ACTN4: variants seen among roughly 807,000 people sequenced by gnomAD.
The protein encoded by ACTN4 is alpha-actinin-4.
Under a neutral mutation model 114.2 loss-of-function variants are expected in ACTN4, and 18 were observed. The ratio of observed to expected loss-of-function variants is 0.16; its 90% CI spans 0.11 to 0.23. The LOEUF (loss-of-function observed/expected upper bound fraction) is 0.23. Among genes scored for constraint, ACTN4 ranks in the 10% least tolerant of loss-of-function variants. ACTN4 has a pLI of 1.00. For synonymous variants in ACTN4, 515 were observed against 506.3 expected (o/e 1.02, Z -0.23); for missense variants, 722 against 1,262.9 (o/e 0.57, Z 6.49).
intron 1 of ACTN4, among the ~76,000 whole-genome samples, chr19:38,661,820 T>C (rs1323390302): frequency 6.6e-6 from 1 of 151,992 alleles, no homozygotes; most frequent in African/African-American, 2.4e-5. Context: ...GCCCGGCTAA[T>C]TTTTTGTATT....
At chr19:38,722,743 C>T (rs527662353) in intron 12 of ACTN4, among the ~76,000 whole-genome samples, 74 of 152,302 alleles carry the variant, frequency 4.9e-4, no homozygotes, top group African/African-American at 1.7e-3. Flanking sequence ...TCCCCAGTGA[C>T]GGAAGAGCCC....
In ACTN4 at chr19:38,723,438, G is replaced by A. The variant is rs771407546; in HGVS notation, c.1443-176G>A. ...ATCACCCCTTCCCTTCTACCCTGGG[G>A]GTCCCATGGGCCAGAACCAAGCTGT... On this transcript the variant is annotated intron_variant, in intron 12 of 20. Coordinates refer to ENST00000252699, the MANE Select transcript of ACTN4 (RefSeq NM_004924.6). Among the ~76,000 whole-genome samples, 6 of 152,214 alleles carry A rather than the reference G, an allele frequency of 3.9e-5. No homozygotes were observed. In the South Asian group the frequency reaches 8.3e-4, roughly 21 times the overall value.
intron 1 of ACTN4, among the ~76,000 whole-genome samples, chr19:38,676,506 G>A (rs925277767): frequency 3.9e-5 from 6 of 152,222 alleles, no homozygotes; most frequent in African/African-American, 1.2e-4. Flanking sequence ...GGGAGGCCAG[G>A]GGGCCTCAGA....
In ACTN4 at chr19:38,724,142, C is replaced by T; in HGVS notation, c.1693-15C>T. On this transcript the variant is annotated splice_polypyrimidine_tract_variant and intron_variant, in intron 14 of 20. Transcript: ENST00000252699. This position sits in a 1 kb window ranked among gnomAD's most constrained non-coding sequence, Gnocchi z 7.0. ...GTGGGGCTGGGCCGCCCCCTCACTC[C>T]AGCTCCTCCCCTAGGGCCTGATCTC... 6.2e-7 allele frequency: 1 copy of T among 1,613,806 alleles called. No individual in the cohort carries two copies. The highest frequency in any genetic ancestry group is 8.5e-7 in the Non-Finnish European group (1 of 1,180,026).
Position 38,680,212 on chromosome 19 carries a change from G to GTTT in ACTN4, c.163-20357_163-20355dup, listed in dbSNP as rs75920199. Among the ~76,000 whole-genome samples, 263 of 124,250 alleles carry GTTT rather than the reference G, an allele frequency of 2.1e-3. 7 individuals carry two copies. Among genetic ancestry groups the GTTT allele is most frequent in the Admixed American group, 9.5e-3 (104 of 10,916 alleles). The allele number at this position is 124,250 out of a possible 152,430, so 81.5% of individuals were successfully genotyped here. On this transcript the variant is annotated intron_variant, in intron 1 of 20. Coordinates refer to ENST00000252699, the MANE Select transcript of ACTN4 (RefSeq NM_004924.6). The stretch of plus-strand genomic sequence containing the variant: ...CCTGTCCATAGCTGGAGCTCAGGAA[G>GTTT]TTTTTTTTTTTTTTTTTTTTTTTTT...
In ACTN4 at chr19:38,726,941, C is replaced by A. The variant is rs774990953; in HGVS notation, c.2191-16C>A. On this transcript the variant is annotated splice_polypyrimidine_tract_variant and intron_variant, in intron 17 of 20. Coordinates refer to ENST00000252699, the MANE Select transcript of ACTN4 (RefSeq NM_004924.6). The stretch of plus-strand genomic sequence containing the variant: ...CACAGCACCCGGCCCACGATCACGC[C>A]CCCGTCTTTCCGCAGCACATCCGCG... 2 of 1,613,558 alleles carry A rather than the reference C, an allele frequency of 1.2e-6. No homozygotes were observed. The highest frequency in any genetic ancestry group is 2.2e-5 in the South Asian group (2 of 91,058).
chr19:38,728,066 G>GCT lies in ACTN4; in HGVS notation c.2418+56_2418+57dup, dbSNP rs148995680. On this transcript the variant is annotated intron_variant, in intron 19 of 20. Transcript: ENST00000252699. Reference sequence around the variant, plus strand: ...GCCCCAGCGGACCATGGCATTAACTGCTCTCTCTCTCTCTCTCCTTCTCTC... The same window carrying GCT: ...GCCCCAGCGGACCATGGCATTAACTGCTCTCTCTCTCTCTCTCTCCTTCTCTC... 3,232 of 1,493,782 alleles carry GCT rather than the reference G, an allele frequency of 2.2e-3. 1 individual carries two copies. The highest frequency in any genetic ancestry group is 8.0e-3 in the Middle Eastern group (46 of 5,772). 92.5% of individuals were successfully genotyped at this position (1,493,782 alleles called of 1,614,324 possible). A position where few individuals can be genotyped will look rare whatever the true frequency, so the allele number is the denominator to read the frequency against.
chr19:38,718,115 C>G, intron 11 of ACTN4, 41 bp downstream of exon 11: 2 of 1,574,534 alleles, frequency 1.3e-6, no homozygotes, highest in Non-Finnish European at 8.6e-7. Flanking sequence ...GCCCCGCTCC[C>G]GTGCTCCCCT....
chr19:38,680,962 C>T (rs749783605), intron 1 of ACTN4, among the ~76,000 whole-genome samples: 1 of 151,722 alleles, frequency 6.6e-6, no homozygotes, highest in Non-Finnish European at 1.5e-5. Flanking sequence ...CCCGTCTCTA[C>T]TAAAAATACA....
At position 38,725,735 on chromosome 19, in the gene ACTN4, C is replaced by T. The variant is rs777943209; in HGVS notation, c.2022C>T (p.Arg674=). ...WIQTKMEEIG[R]ISIEMNGTLE... ...ACCCACCCCCGTAGGAGATCGGGCGCATCTCCATTGAGATGAACGGGACCC... is the reference window on the plus strand; with the variant it reads ...ACCCACCCCCGTAGGAGATCGGGCGTATCTCCATTGAGATGAACGGGACCC... Residue 674 remains arginine, a synonymous_variant, in exon 17 of 21, where the codon CGC becomes CGT. Transcript: ENST00000252699. 5 of 1,613,932 alleles carry T rather than the reference C, an allele frequency of 3.1e-6. No homozygotes were observed. The highest frequency in any genetic ancestry group is 3.4e-6 in the Non-Finnish European group (4 of 1,180,022).
chr19:38,690,815 G>C (rs1967899366), intron 1 of ACTN4, among the ~76,000 whole-genome samples: 2 of 152,204 alleles, frequency 1.3e-5, no homozygotes, highest in African/African-American at 4.8e-5. Context: ...GTAAAAGGGT[G>C]AATTTTTTGG....
intron 17 of ACTN4, 87 bp from the exon 18 acceptor site, chr19:38,726,870 A>T: frequency 6.3e-7 from 1 of 1,581,952 alleles, no homozygotes; most frequent in African/African-American, 1.3e-5. Flanking sequence ...CCAGGGCGGG[A>T]GGACAGTTCA....
intron 1 of ACTN4, among the ~76,000 whole-genome samples, chr19:38,670,314 GCTCCACATGCAGCCCC>G (rs1301923946): frequency 6.6e-6 from 1 of 152,216 alleles, no homozygotes; most frequent in African/African-American, 2.4e-5. Context: ...AGCCAGGGCA[GCTCCACATGCAGCCCC>G]CTTTCAGGAA....
chr19:38,684,801 CT>C (rs1967691113), intron 1 of ACTN4, among the ~76,000 whole-genome samples: 1 of 151,776 alleles, frequency 6.6e-6, no homozygotes, highest in African/African-American at 2.4e-5. Context: ...TCAGGTTTTT[CT>C]TTTTTTAAAT....
intron 19 of ACTN4, among the ~76,000 whole-genome samples, chr19:38,728,733 T>TG (rs1163145566): frequency 1.3e-5 from 2 of 152,226 alleles, no homozygotes; most frequent in Non-Finnish European, 1.5e-5. Context: ...TTCCCTGCTG[T>TG]GGGAGACCAC....
At chr19:38,684,546 G>A (rs1028293139) in intron 1 of ACTN4, among the ~76,000 whole-genome samples, 3 of 152,180 alleles carry the variant, frequency 2.0e-5, no homozygotes, top group African/African-American at 4.8e-5. Context: ...TACCCACACC[G>A]CTCCTGGAGA....
In ACTN4 at chr19:38,724,325, T is replaced by C. The variant is rs1397859742; in HGVS notation, c.1861T>C (p.Ser621Pro). The C allele has an allele frequency of 6.2e-7, 1 of 1,613,240 alleles. No individual in the cohort carries two copies. The highest frequency in any genetic ancestry group is 8.5e-7 in the Non-Finnish European group (1 of 1,179,926). ...YTTVTPQIIN[S>P]KWEKVQQLVP... is the part of the protein sequence containing the mutation. ...CACCGTCACCCCGCAAATCATCAAC[T>C]CCAAGTGGGAGAAGGTGGGCCGGGG... Residue 621 changes from serine (S) to proline (P), a missense_variant, in exon 15 of 21, where the codon TCC becomes CCC. Coordinates refer to ENST00000252699, the MANE Select transcript of ACTN4 (RefSeq NM_004924.6). The surrounding 1 kb of genome is among the most constrained non-coding windows in gnomAD (Gnocchi z 7.0).
chr19:38,647,956 C>T (rs1976435947), intron 1 of ACTN4, 49 bp downstream of exon 1: 2 of 1,418,112 alleles, frequency 1.4e-6, no homozygotes. Context: ...TCTGAGGGGG[C>T]CCGGGGAGGG....
Position 38,728,316 on chromosome 19 carries a change from A to C in ACTN4, c.2418+290A>C, listed in dbSNP as rs749629478. 15 of 1,506,856 alleles carry C rather than the reference A, an allele frequency of 1.0e-5. 1 individual carries two copies. In the South Asian group the frequency reaches 1.7e-4, roughly 17 times the overall value. The allele number at this position is 1,506,856 out of a possible 1,614,324, so 93.3% of individuals were successfully genotyped here. On this transcript the variant is annotated intron_variant, in intron 19 of 20. Transcript: ENST00000252699. ...TGCTATGCCTGCGTCCTCGGAGCAG[A>C]AGCAGACAGGCAGCATGGACTCCGA...
Sources: allele counts gnomAD v4.1 joint callset (sites outside exome capture counted in the v4.1 genomes callset), GRCh38; gene constraint gnomAD v4.1.1; non-coding constraint Gnocchi (gnomAD v3.1); transcripts MANE v1.5; gene names NCBI Gene and HGNC (gene_info 2026-07-23, HGNC 2026-07-21).